Variants in KAZN observed in about 807,000 individuals in gnomAD.
The protein encoded by KAZN is kazrin.
KAZN carries 40 observed loss-of-function variants against 87.4 expected under a neutral mutation model. That is an observed-to-expected ratio of 0.46 (90% CI 0.36 to 0.60). KAZN has a LOEUF of 0.60. KAZN is among the 20% of genes least tolerant of loss of function. The pLI is 0.00. For synonymous variants in KAZN, 466 were observed against 458.3 expected (o/e 1.02, Z -0.22); for missense variants, 898 against 1,073.9 (o/e 0.84, Z 2.29).
At chr1:14,779,014 C>T (rs1369724725) in intron 1 of KAZN, among the ~76,000 whole-genome samples, 1 of 152,150 alleles carries the variant, frequency 6.6e-6, no homozygotes, top group Non-Finnish European at 1.5e-5. Context: ...AGCTTGGGCT[C>T]CTTTTTCGTG....
chr1:14,247,015 C>A (rs956397229), intron 2 of KAZN, among the ~76,000 whole-genome samples: 1 of 152,076 alleles, frequency 6.6e-6, no homozygotes, highest in African/African-American at 2.4e-5. Context: ...TATGAAGCTT[C>A]CAATTTTGTT....
At chr1:14,258,427 G>A (rs1650742925) in intron 2 of KAZN, among the ~76,000 whole-genome samples, 1 of 146,640 alleles carries the variant, frequency 6.8e-6, no homozygotes, top group Non-Finnish European at 1.5e-5. Context: ...GTAGACCACG[G>A]GGTTTCACCG....
At position 15,089,732 on chromosome 1, in the gene KAZN, C is replaced by CAAAAAAAAAAAAAAA. The variant is rs56260619; in HGVS notation, c.1223-4432_1223-4418dup. Among the ~76,000 whole-genome samples, 4 of 68,914 alleles carry CAAAAAAAAAAAAAAA rather than the reference C, an allele frequency of 5.8e-5. 1 individual carries two copies. The highest frequency in any genetic ancestry group is 1.2e-4 in the Non-Finnish European group (4 of 32,754). The allele number at this position is 68,914 out of a possible 152,430, so 45.2% of individuals were successfully genotyped here. Reference sequence around the variant, plus strand: ...GACAGCAAAGGGAAGCTTTTATTGGCAAAAAAAAAAAAAAAAAAAAAAAAA... The same window carrying CAAAAAAAAAAAAAAA: ...GACAGCAAAGGGAAGCTTTTATTGGCAAAAAAAAAAAAAAAAAAAAAAAAAAAAAAAAAAAAAAAA... On this transcript the variant is annotated intron_variant, in intron 8 of 14. Transcript: ENST00000376030.
chr1:14,976,409 G>A (rs1450802690), intron 2 of KAZN, among the ~76,000 whole-genome samples: 3 of 152,170 alleles, frequency 2.0e-5, no homozygotes, highest in African/African-American at 7.2e-5. Flanking sequence ...GTGCTCACCC[G>A]GCAGCACAGA....
chr1:14,661,751 A>G (rs1328478554), intron 1 of KAZN, among the ~76,000 whole-genome samples: 3 of 152,044 alleles, frequency 2.0e-5, no homozygotes, highest in Non-Finnish European at 2.9e-5. Context: ...CCCCGTCTCT[A>G]CTGAAAATGT....
chr1:13,989,679 C>T (rs866024858), intron 1 of KAZN, among the ~76,000 whole-genome samples: 2 of 152,018 alleles, frequency 1.3e-5, no homozygotes, highest in Non-Finnish European at 2.9e-5. Context: ...TCTGTACTAG[C>T]GGGAGCTTAC....
intron 4 of KAZN, among the ~76,000 whole-genome samples, chr1:15,055,728 G>A (rs1015105161): frequency 2.6e-5 from 4 of 152,194 alleles, no homozygotes; most frequent in African/African-American, 9.7e-5. Flanking sequence ...CCATGTTTAT[G>A]TAAGCAGTGC....
intron 2 of KAZN, among the ~76,000 whole-genome samples, chr1:14,994,158 G>A (rs1443896838): frequency 6.6e-6 from 1 of 152,238 alleles, no homozygotes; most frequent in Non-Finnish European, 1.5e-5. Context: ...CCTGTGAATT[G>A]GGTCGGGCCA....
chr1:15,027,120 C>T (rs4661564), intron 2 of KAZN, among the ~76,000 whole-genome samples: 109,032 of 132,548 alleles, frequency 0.82, 44,960 homozygotes, highest in African/African-American at 0.9. Flanking sequence ...CTCGCTCTGT[C>T]GCCCAGGCTG....
Position 14,528,608 on chromosome 1 carries a change from G to T in KAZN, c.250-70375G>T, listed in dbSNP as rs183911758. ...AGACCAGCCTGGCAAAACCAGGTTG[G>T]CGTCGTGGCACATGCCTGTAGTCCC... On this transcript the variant is annotated intron_variant, in intron 2 of 16. Transcript: ENST00000636203. Among the ~76,000 whole-genome samples, 1,002 of 151,656 alleles carry T rather than the reference G, an allele frequency of 6.6e-3. 2 individuals are homozygous for T. The highest frequency in any genetic ancestry group is 0.012 in the Non-Finnish European group (785 of 67,872).
intron 1 of KAZN, among the ~76,000 whole-genome samples, chr1:14,179,893 G>A (rs1420871807): frequency 6.6e-6 from 1 of 152,156 alleles, no homozygotes; most frequent in Non-Finnish European, 1.5e-5. Context: ...TAAGTGCTAT[G>A]GGAATTATAG....
chr1:14,702,326 C>CTGTGTGTGTGTGTGTGTGTGTGTGTGTG (rs3222186), intron 1 of KAZN, among the ~76,000 whole-genome samples: 1 of 133,282 alleles, frequency 7.5e-6, no homozygotes, highest in Non-Finnish European at 1.6e-5. Context: ...TTTTGCAAAA[C>CTGTGTGTGTGTGTGTGTGTGTGTGTGTG]TGTGTGTGTG....
At chr1:14,922,568 C>T (rs760454223) in intron 1 of KAZN, among the ~76,000 whole-genome samples, 14 of 151,982 alleles carry the variant, frequency 9.2e-5, no homozygotes, top group Non-Finnish European at 1.8e-4. Flanking sequence ...CCGAGGCTGG[C>T]GCATCACCAG....
At chr1:13,912,418 T>C (rs541402897) in intron 1 of KAZN, among the ~76,000 whole-genome samples, 140 of 152,250 alleles carry the variant, frequency 9.2e-4, no homozygotes, top group Non-Finnish European at 1.7e-3. Flanking sequence ...ATAAGTGCCA[T>C]TGAAGATACT....
intron 1 of KAZN, among the ~76,000 whole-genome samples, chr1:14,617,857 T>C (rs919043669): frequency 6.6e-6 from 1 of 152,222 alleles, no homozygotes; most frequent in South Asian, 2.1e-4. Context: ...CTCATTTATT[T>C]TGTGGTTTGA....
At chr1:14,981,748 G>GTAT (rs1197424259) in intron 2 of KAZN, among the ~76,000 whole-genome samples, 1 of 152,240 alleles carries the variant, frequency 6.6e-6, no homozygotes, top group Admixed American at 6.5e-5. Context: ...GCAGCCCTGG[G>GTAT]TATAAGTCAC....
chr1:14,636,703 G>T (rs373529695), intron 1 of KAZN, among the ~76,000 whole-genome samples: 1 of 152,192 alleles, frequency 6.6e-6, no homozygotes, highest in African/African-American at 2.4e-5. Flanking sequence ...GCTCCAAGTT[G>T]CAAGGAGGCG....
chr1:14,226,170 G>A (rs1321151439), intron 2 of KAZN, among the ~76,000 whole-genome samples: 1 of 151,968 alleles, frequency 6.6e-6, no homozygotes, highest in Non-Finnish European at 1.5e-5. Flanking sequence ...GACGAAGGTC[G>A]AATATCCAGA....
At chr1:14,159,199 G>A (rs1645658912) in intron 1 of KAZN, among the ~76,000 whole-genome samples, 1 of 152,200 alleles carries the variant, frequency 6.6e-6, no homozygotes, top group African/African-American at 2.4e-5. Flanking sequence ...AAGGTGATGA[G>A]TTCCCCCAGG....
Sources: allele counts gnomAD v4.1 joint callset (sites outside exome capture counted in the v4.1 genomes callset), GRCh38; gene constraint gnomAD v4.1.1; transcripts MANE v1.5; gene names NCBI Gene and HGNC (gene_info 2026-07-23, HGNC 2026-07-21).